The following UGT1A5 variants were observed in gnomAD, a reference collection of about 807,000 sequenced individuals.
The protein encoded by UGT1A5 is UDP-glucuronosyltransferase 1A5.
Under a neutral mutation model 40.3 loss-of-function variants are expected in UGT1A5, and 29 were observed. The ratio of observed to expected loss-of-function variants is 0.72; its 90% CI spans 0.54 to 0.98. UGT1A5 has a LOEUF of 0.98. UGT1A5 is among the 50% of genes least tolerant of loss of function. UGT1A5 has a pLI of 0.00. For missense variants in UGT1A5, 678 were observed against 677.9 expected, an observed-to-expected ratio of 1.00 and a Z score of 0.00; for synonymous variants, 257 against 262.5, an observed-to-expected ratio of 0.98 and a Z score of 0.20.
At position 233,747,626 on chromosome 2, in the gene UGT1A5, C is replaced by G. The variant is rs546895525; in HGVS notation, c.868-19408C>G. 8.9e-6 allele frequency: 14 copies of G among 1,577,506 alleles called. No homozygotes were observed. The African/African-American group carries it at 1.8e-4, about 20-fold the overall frequency. ...AGCTACTGCATAATGAGGCCCTGAT[C>G]AGGCACCTGAATGCTACTTCCTTCG... On this transcript the variant is annotated intron_variant, in intron 1 of 4. Coordinates refer to ENST00000373414, the MANE Select transcript of UGT1A5 (RefSeq NM_019078.2).
At position 233,725,055 on chromosome 2, in the gene UGT1A5, C is replaced by T. The variant is rs1006940909; in HGVS notation, c.867+11197C>T. On this transcript the variant is annotated intron_variant, in intron 1 of 4. Transcript: ENST00000373414. ...CACCAAAACCAGTCAGGCGTGGCGG[C>T]GCGCGCCTGCAATCGCAGGCACTCG... is the stretch of plus-strand genomic sequence containing the variant. Among the ~76,000 whole-genome samples the T allele has an allele frequency of 2.2e-4, 33 of 147,502 alleles. 1 individual carries two copies. The highest frequency in any genetic ancestry group is 9.3e-4 in the South Asian group (4 of 4,294).
At chr2:233,716,411 C>T (rs1382859700) in intron 1 of UGT1A5, among the ~76,000 whole-genome samples, 1 of 152,134 alleles carries the variant, frequency 6.6e-6, no homozygotes, top group Non-Finnish European at 1.5e-5. Flanking sequence ...GTGAAACCCA[C>T]ATCTTATTCA....
At chr2:233,765,952 G>A (rs898895578) in intron 1 of UGT1A5, among the ~76,000 whole-genome samples, 1 of 152,064 alleles carries the variant, frequency 6.6e-6, no homozygotes, top group Non-Finnish European at 1.5e-5. Context: ...TGACCTCACC[G>A]GCAGTGTCTA....
At chr2:233,726,039 A>T (rs544093615) in intron 1 of UGT1A5, among the ~76,000 whole-genome samples, 9 of 152,100 alleles carry the variant, frequency 5.9e-5, no homozygotes, top group Admixed American at 1.3e-4. Flanking sequence ...GATGGCGCAC[A>T]CCTGTGGTCC....
intron 1 of UGT1A5, chr2:233,747,764 C>A: frequency 6.2e-7 from 1 of 1,613,426 alleles, no homozygotes; most frequent in Non-Finnish European, 8.5e-7. Context: ...ACTTTAAGGG[C>A]ACACAGTGTC....
At chr2:233,756,358 A>G (rs536694475) in intron 1 of UGT1A5, 1 of 152,314 alleles carries the variant, frequency 6.6e-6, no homozygotes, top group Non-Finnish European at 1.5e-5. Context: ...TTTACCTAAT[A>G]AATGTAAATG....
chr2:233,720,704 C>CT (rs796417980), intron 1 of UGT1A5, among the ~76,000 whole-genome samples: 446 of 139,112 alleles, frequency 3.2e-3, no homozygotes, highest in South Asian at 5.2e-3. Context: ...GGGAGCCATC[C>CT]TTTTTTTTTT....
chr2:233,718,433 A>G (rs571476124), intron 1 of UGT1A5, among the ~76,000 whole-genome samples: 1 of 152,326 alleles, frequency 6.6e-6, no homozygotes, highest in East Asian at 1.9e-4. Flanking sequence ...GTGGTTGGGG[A>G]CTAGGGCAAT....
Position 233,768,374 on chromosome 2 carries a change from G to T in UGT1A5, c.1242G>T (p.Leu414=). Residue 414 remains leucine, a synonymous_variant, in exon 4 of 5, where the codon CTG becomes CTT. Transcript: ENST00000373414. ...AGACTAAGGGAGCTGGAGTGACCCT[G>T]AATGTTCTGGAAATGACTTCTGAAG... ...RMETKGAGVT[L]NVLEMTSEDL... 3 of 1,614,148 alleles carry T rather than the reference G, an allele frequency of 1.9e-6. No individual in the cohort carries two copies. The highest frequency in any genetic ancestry group is 2.5e-6 in the Non-Finnish European group (3 of 1,180,028).
At chr2:233,714,555 A>G (rs28899184) in intron 1 of UGT1A5, among the ~76,000 whole-genome samples, 1 of 152,254 alleles carries the variant, frequency 6.6e-6, no homozygotes, top group Non-Finnish European at 1.5e-5. Context: ...TCCAATAGAA[A>G]TATCATGTAA....
intron 1 of UGT1A5, chr2:233,761,188 C>A: frequency 6.2e-7 from 1 of 1,614,130 alleles, no homozygotes; most frequent in Non-Finnish European, 8.5e-7. Context: ...TGCGTATATT[C>A]TTTCAGATGT....
At position 233,747,384 on chromosome 2, in the gene UGT1A5, G is replaced by A. The variant is rs1693657015; in HGVS notation, c.868-19650G>A. The A allele has an allele frequency of 7.5e-6, 12 of 1,605,260 alleles. No individual in the cohort carries two copies. In the South Asian group the frequency reaches 1.2e-4, roughly 16 times the overall value. ...GGAGCTCCATGCCAGAGGCCACCAGGCGGTGGTCCTCACCCCAGAGGTGAA... is the reference window on the plus strand; with the variant it reads ...GGAGCTCCATGCCAGAGGCCACCAGACGGTGGTCCTCACCCCAGAGGTGAA... On this transcript the variant is annotated intron_variant, in intron 1 of 4. Transcript: ENST00000373414.
At chr2:233,721,705 T>G in intron 1 of UGT1A5, 1 of 371,450 alleles carries the variant, frequency 2.7e-6, no homozygotes, top group South Asian at 2.1e-5. Flanking sequence ...ATGGCTCATC[T>G]TGGATGCTTT....
At position 233,767,873 on chromosome 2, in the gene UGT1A5, C is replaced by T. The variant is rs72551349; in HGVS notation, c.1024C>T (p.Arg342Ter). 2.0e-5 allele frequency: 32 copies of T among 1,614,038 alleles called. No homozygotes were observed. Among genetic ancestry groups the T allele is most frequent in the South Asian group, 1.5e-4 (14 of 91,082 alleles). The change falls in exon 3 of 5, where the codon CGA becomes TGA. Residue 342 changes from arginine (R) to a stop codon, truncating the protein, a stop_gained. Transcript: ENST00000373414. LOFTEE classifies it high-confidence loss of function. Reference sequence around the variant, plus strand: ...GGTCCTGTGGCGGTACACTGGAACCCGACCATCGAATCTTGCGAACAACAC... The same window carrying T: ...GGTCCTGTGGCGGTACACTGGAACCTGACCATCGAATCTTGCGAACAACAC... ...QTVLWRYTGT[R>*]PSNLANNTIL...
Position 233,769,767 on chromosome 2 carries a change from A to T in UGT1A5, c.1307+1328A>T. On this transcript the variant is annotated intron_variant, in intron 4 of 4. Transcript: ENST00000373414. The surrounding 1 kb of genome is among the most constrained non-coding windows in gnomAD (Gnocchi z 4.4). The stretch of plus-strand genomic sequence containing the variant: ...CCACTCTGGAGGCTAAGGCGGGAGG[A>T]TTGCTTGAGCCCAGAAGTTGGAGGC... The T allele has an allele frequency of 7.3e-7, 1 of 1,374,514 alleles. No individual in the cohort carries two copies. Among genetic ancestry groups the T allele is most frequent in the Non-Finnish European group, 9.5e-7 (1 of 1,054,322 alleles). The allele number at this position is 1,374,514 out of a possible 1,614,324, so 85.1% of individuals were successfully genotyped here. A position where few individuals can be genotyped will look rare whatever the true frequency, so the allele number is the denominator to read the frequency against.
At chr2:233,734,933 A>T (rs1236153651) in intron 1 of UGT1A5, among the ~76,000 whole-genome samples, 3 of 152,196 alleles carry the variant, frequency 2.0e-5, no homozygotes, top group Non-Finnish European at 4.4e-5. Context: ...TTTACTTACA[A>T]TCATATGGTC....
chr2:233,714,477 G>A (rs45505392), intron 1 of UGT1A5, among the ~76,000 whole-genome samples: 3,267 of 152,154 alleles, frequency 0.021, 113 homozygotes, highest in African/African-American at 0.075. Context: ...ATAGGAGAAT[G>A]TTTCTTGTGA....
intron 1 of UGT1A5, chr2:233,747,188 GTCAGCTGTCCGTGTCT>G: frequency 6.2e-7 from 1 of 1,603,604 alleles, no homozygotes; most frequent in Non-Finnish European, 8.5e-7. Flanking sequence ...GGGGTGGACA[GTCAGCTGTCCGTGTCT>G]TCTGCTGAGA....
chr2:233,737,660 A>G (rs535932919), intron 1 of UGT1A5, among the ~76,000 whole-genome samples: 3 of 152,292 alleles, frequency 2.0e-5, no homozygotes, highest in East Asian at 3.9e-4. Context: ...GGAGCTGCAG[A>G]TCGGAGCTGT....
Sources: gnomAD v4.1 joint callset for allele counts (sites outside exome capture counted in the v4.1 genomes callset) on GRCh38, gnomAD v4.1.1 for gene constraint, Gnocchi (gnomAD v3.1) non-coding constraint, MANE v1.5 for transcripts, NCBI Gene and HGNC (gene_info 2026-07-23, HGNC 2026-07-21) for gene names.